Variants in A4GNT observed in about 807,000 individuals in gnomAD.
A4GNT encodes the protein alpha-1,4-N-acetylglucosaminyltransferase.
In A4GNT, 6 loss-of-function variants were observed where a neutral mutation model predicts 8.3. That is an observed-to-expected ratio of 0.72 (90% CI 0.39 to 1.42). The LOEUF is 1.42. Ranked by LOEUF, A4GNT falls within the 40% of genes most tolerant of loss-of-function variation. A4GNT has a pLI of 0.02. For missense variants in A4GNT, 377 were observed against 417.0 expected (o/e 0.90, Z 0.84); for synonymous variants, 157 against 159.8 (o/e 0.98, Z 0.13).
Position 138,124,597 on chromosome 3 carries a change from C to T in A4GNT, c.690G>A (p.Arg230=), listed in dbSNP as rs1342464603. 6.2e-7 allele frequency: 1 copy of T among 1,614,228 alleles called. No homozygotes were observed. Among genetic ancestry groups the T allele is most frequent in the Admixed American group, 1.7e-5 (1 of 60,016 alleles). The change falls in exon 3 of 3, where the codon AGG becomes AGA. Residue 230 remains arginine, a synonymous_variant. Coordinates refer to ENST00000236709, the MANE Select transcript of A4GNT (RefSeq NM_016161.3). ...WGNQGPELMT[R]MLRVWCKLED... ...CAAGTTTACACCATACCCTCAACAT[C>T]CTTGTCATCAACTCAGGGCCTTGGT...
chr3:138,125,598 A>C (rs1228449404), intron 2 of A4GNT, among the ~76,000 whole-genome samples: 1 of 152,180 alleles, frequency 6.6e-6, no homozygotes, highest in East Asian at 1.9e-4. Context: ...GTATTACGTT[A>C]GTTCCCCCAG....
chr3:138,127,880 T>A (rs1355966304), intron 2 of A4GNT, among the ~76,000 whole-genome samples: 1 of 152,224 alleles, frequency 6.6e-6, no homozygotes, highest in Non-Finnish European at 1.5e-5. Context: ...CCTATAGATG[T>A]ACAGCCTACT....
At chr3:138,129,258 G>A (rs1426873219) in intron 2 of A4GNT, among the ~76,000 whole-genome samples, 1 of 152,148 alleles carries the variant, frequency 6.6e-6, no homozygotes, top group Non-Finnish European at 1.5e-5. Context: ...AAGTATCTTT[G>A]CAGGTGGTCA....
At position 138,131,252 on chromosome 3, in the gene A4GNT, C is replaced by G; in HGVS notation, c.5G>C (p.Arg2Pro). Residue 2 changes from arginine to proline, a missense_variant, in exon 2 of 3, where the codon CGG (arginine) becomes CCG (proline). Transcript: ENST00000236709. The stretch of plus-strand genomic sequence containing the variant: ...TGACAGGGAGAGCTGGAGCTCCTTC[C>G]GCATGTCCTCTTCTCTGTGCCAGCC... M[R>P]KELQLSLSVT... 1.9e-6 allele frequency: 3 copies of G among 1,581,450 alleles called. No individual in the cohort carries two copies. Among genetic ancestry groups the G allele is most frequent in the Non-Finnish European group, 2.6e-6 (3 of 1,157,224 alleles).
chr3:138,130,748 A>T, intron 2 of A4GNT, 101 bp downstream of exon 2: 1 of 1,338,118 alleles, frequency 7.5e-7, no homozygotes, highest in African/African-American at 1.5e-5. Flanking sequence ...ATGAGAGTCA[A>T]CCCAAATGTG....
At chr3:138,126,432 C>A (rs2042744920) in intron 2 of A4GNT, among the ~76,000 whole-genome samples, 1 of 149,276 alleles carries the variant, frequency 6.7e-6, no homozygotes, top group Admixed American at 6.7e-5. Context: ...AACAACCACC[C>A]CTGGCTTTTG....
intron 1 of A4GNT, among the ~76,000 whole-genome samples, chr3:138,131,974 A>G (rs907708698): frequency 6.6e-5 from 10 of 152,366 alleles, no homozygotes; most frequent in Non-Finnish European, 8.8e-5. Context: ...ATTGTAACCA[A>G]TGCAATAAAA....
intron 2 of A4GNT, among the ~76,000 whole-genome samples, chr3:138,128,698 T>C (rs1287152120): frequency 1.3e-5 from 2 of 152,044 alleles, no homozygotes; most frequent in African/African-American, 2.4e-5. Context: ...ATCAGGAAAC[T>C]TGTAGAGTCC....
intron 1 of A4GNT, among the ~76,000 whole-genome samples, chr3:138,131,596 T>C (rs987498369): frequency 2.0e-5 from 3 of 151,894 alleles, no homozygotes; most frequent in African/African-American, 7.3e-5. Flanking sequence ...ACAAGAAATA[T>C]GTGAGAAAGA....
intron 2 of A4GNT, among the ~76,000 whole-genome samples, chr3:138,129,904 A>G (rs948865001): frequency 2.0e-5 from 3 of 152,222 alleles, no homozygotes; most frequent in Non-Finnish European, 4.4e-5. Context: ...AGCTGAGACT[A>G]CAGGTGCATG....
At chr3:138,129,334 A>G (rs940129155) in intron 2 of A4GNT, among the ~76,000 whole-genome samples, 2 of 152,220 alleles carry the variant, frequency 1.3e-5, no homozygotes, top group Non-Finnish European at 2.9e-5. Context: ...GTGTCATTTA[A>G]ATGGATAGAC....
chr3:138,129,737 T>G (rs1238279630), intron 2 of A4GNT, among the ~76,000 whole-genome samples: 1 of 152,226 alleles, frequency 6.6e-6, no homozygotes, highest in Non-Finnish European at 1.5e-5. Flanking sequence ...TAATATTTGC[T>G]ACAGCCTATG....
chr3:138,131,007 C>A lies in A4GNT; in HGVS notation c.250G>T (p.Val84Leu), dbSNP rs1471274326. The part of the protein sequence containing the change: ...AAKIYPEWPV[V>L]FFMKGLTDST... ...TCAGTAAGACCCTTCATAAAGAACA[C>A]CACAGGCCACTCAGGATAAATCTTG... The change falls in exon 2 of 3, where the codon GTG becomes TTG. Residue 84 changes from valine (V) to leucine (L), a missense_variant. Transcript: ENST00000236709. 6.2e-7 allele frequency: 1 copy of A among 1,614,006 alleles called. No individual in the cohort carries two copies. The highest frequency in any genetic ancestry group is 8.5e-7 in the Non-Finnish European group (1 of 1,180,030).
At chr3:138,132,051 A>G (rs2042781656) in intron 1 of A4GNT, among the ~76,000 whole-genome samples, 161 bp downstream of exon 1, 1 of 152,244 alleles carries the variant, frequency 6.6e-6, no homozygotes, top group African/African-American at 2.4e-5. Flanking sequence ...CAGAAAACAT[A>G]ACTGAAAAAC....
chr3:138,124,386 T>A lies in A4GNT; in HGVS notation c.901A>T (p.Ile301Phe). The change falls in exon 3 of 3, where the codon ATT becomes TTT. Residue 301 changes from isoleucine to phenylalanine, a missense_variant. By Grantham distance (21) the Ile-to-Phe change is conservative (BLOSUM62 0). Transcript: ENST00000236709. The part of the protein sequence containing the change: ...NHMNQEGRAV[I>F]RGSNTLVENL... ...TCCACCAGTGTGTTGCTTCCTCTAATCACAGCCCGCCCCTCCTGGTTCATG... is the reference window on the plus strand; with the variant it reads ...TCCACCAGTGTGTTGCTTCCTCTAAACACAGCCCGCCCCTCCTGGTTCATG... 2 of 1,614,190 alleles carry A rather than the reference T, an allele frequency of 1.2e-6. No homozygotes were observed. The highest frequency in any genetic ancestry group is 1.7e-6 in the Non-Finnish European group (2 of 1,180,030).
In A4GNT at chr3:138,131,042, T is replaced by C. The variant is rs1334196556; in HGVS notation, c.215A>G (p.Glu72Gly). 1 of 1,614,128 alleles carries C rather than the reference T, an allele frequency of 6.2e-7. No individual in the cohort carries two copies. The highest frequency in any genetic ancestry group is 8.5e-7 in the Non-Finnish European group (1 of 1,180,008). ...EPPHLVSCSVESAAKIYPEWP... is the reference protein window; with the variant it reads ...EPPHLVSCSVGSAAKIYPEWP... ...CTCAGGATAAATCTTGGCAGCAGACTCTACGGAACAGGAGACCAAATGGGG... is the reference window on the plus strand; with the variant it reads ...CTCAGGATAAATCTTGGCAGCAGACCCTACGGAACAGGAGACCAAATGGGG... The change falls in exon 2 of 3, where the codon GAG (glutamate) becomes GGG (glycine). Residue 72 changes from glutamate to glycine, a missense_variant. Transcript: ENST00000236709.
chr3:138,126,354 A>C (rs142192319), intron 2 of A4GNT, among the ~76,000 whole-genome samples: 1 of 151,840 alleles, frequency 6.6e-6, no homozygotes, highest in South Asian at 2.1e-4. Flanking sequence ...AAGATTCTGA[A>C]GAGAAATAGA....
At chr3:138,132,967 T>C (rs1296574771), upstream of A4GNT, among the ~76,000 whole-genome samples, 1 of 152,220 alleles carries the variant, frequency 6.6e-6, no homozygotes, top group Non-Finnish European at 1.5e-5. Flanking sequence ...TTTGTTGTCC[T>C]CCACTGATGT....
At chr3:138,127,138 A>AT (rs1428943101) in intron 2 of A4GNT, among the ~76,000 whole-genome samples, 1 of 151,460 alleles carries the variant, frequency 6.6e-6, no homozygotes. Context: ...AAAAAAAAAA[A>AT]AACAATAATT....
Sources: gnomAD v4.1 joint callset for allele counts (sites outside exome capture counted in the v4.1 genomes callset) on GRCh38, gnomAD v4.1.1 for gene constraint, MANE v1.5 for transcripts, NCBI Gene and HGNC (gene_info 2026-07-23, HGNC 2026-07-21) for gene names.